The following CACNA1C variants were observed in gnomAD, a reference collection of about 807,000 sequenced individuals.
The protein encoded by CACNA1C is calcium voltage-gated channel subunit alpha1 C, also known as voltage-dependent L-type calcium channel subunit alpha-1C.
CACNA1C carries 30 observed loss-of-function variants against 229.0 expected under a neutral mutation model. That is an observed-to-expected ratio of 0.13 (90% confidence interval 0.10 to 0.18). CACNA1C has a LOEUF of 0.18. Ranked by LOEUF, CACNA1C falls within the 10% of genes least tolerant of loss-of-function variation. The probability of loss-of-function intolerance (pLI) is 1.00; values close to 1 mark genes in which losing one functional copy is unlikely to be tolerated. For synonymous variants in CACNA1C, 1,114 were observed against 1,132.5 expected, an observed-to-expected ratio of 0.98 and a Z score of 0.33; for missense variants, 1,658 against 2,845.0, an observed-to-expected ratio of 0.58 and a Z score of 9.49.
At chr12:2,688,803 G>T (rs556287674) in intron 46 of CACNA1C, 24 bp downstream of exon 46, 8 of 1,468,868 alleles carry the variant, frequency 5.4e-6, no homozygotes, top group Middle Eastern at 1.8e-4. Flanking sequence ...AGATGGGCAG[G>T]GGGGAGAGGC....
chr12:2,425,311 C>T (rs958583447), intron 3 of CACNA1C, among the ~76,000 whole-genome samples: 1 of 152,160 alleles, frequency 6.6e-6, no homozygotes, highest in Non-Finnish European at 1.5e-5. Context: ...AGTATAATCG[C>T]AATTTTGGAA....
At position 2,647,872 on chromosome 12, in the gene CACNA1C, C is replaced by T. The variant is rs148223411; in HGVS notation, c.3913-603C>T. Among the ~76,000 whole-genome samples, 121 of 152,308 alleles carry T rather than the reference C, an allele frequency of 7.9e-4. No individual in the cohort carries two copies. Among genetic ancestry groups the T allele is most frequent in the African/African-American group, 2.6e-3 (110 of 41,562 alleles). On this transcript the variant is annotated intron_variant, in intron 30 of 46. Transcript: ENST00000399655. The surrounding 1 kb of genome is among the most constrained non-coding windows in gnomAD (Gnocchi z 4.2). ...GCACAGTGGCTTACACCGGTAATCC[C>T]AGTACTTTGGGAGGCCAAGGCAGGA... is the stretch of plus-strand genomic sequence containing the variant.
intron 3 of CACNA1C, among the ~76,000 whole-genome samples, chr12:2,256,528 T>A (rs2077929368): frequency 6.6e-6 from 1 of 152,184 alleles, no homozygotes; most frequent in African/African-American, 2.4e-5. Context: ...AAAGCTATAA[T>A]CCTGGCCCCT....
intron 3 of CACNA1C, among the ~76,000 whole-genome samples, chr12:2,411,830 G>A (rs941545944): frequency 1.3e-5 from 2 of 152,266 alleles, no homozygotes; most frequent in Non-Finnish European, 2.9e-5. Context: ...CCATCCTTCT[G>A]AAGCTCTGCC....
At chr12:2,269,370 C>A (rs1268731822) in intron 3 of CACNA1C, among the ~76,000 whole-genome samples, 1 of 152,162 alleles carries the variant, frequency 6.6e-6, no homozygotes, top group Non-Finnish European at 1.5e-5. Context: ...ACTGTCTCTT[C>A]TCTACTGATG....
Position 2,654,266 on chromosome 12 carries a change from C to T in CACNA1C, c.4140+366C>T, listed in dbSNP as rs2095287948. 6.6e-6 allele frequency among the ~76,000 whole-genome samples: 1 copy of T among 152,180 alleles called. No individual in the cohort carries two copies. Among genetic ancestry groups the T allele is most frequent in the Non-Finnish European group, 1.5e-5 (1 of 68,028 alleles). On this transcript the variant is annotated intron_variant, in intron 33 of 46. Coordinates refer to ENST00000399655, the MANE Select transcript of CACNA1C (RefSeq NM_000719.7). This position sits in a 1 kb window ranked among gnomAD's most constrained non-coding sequence, Gnocchi z 4.4. The stretch of plus-strand genomic sequence containing the variant: ...AAGGTGTGTCTGTTTGTGTCCAGCA[C>T]CCCTGTTTGTGTCCAGGTCTGATGG...
At chr12:2,364,415 T>C (rs1181510411) in intron 3 of CACNA1C, among the ~76,000 whole-genome samples, 1 of 152,060 alleles carries the variant, frequency 6.6e-6, no homozygotes, top group African/African-American at 2.4e-5. Flanking sequence ...ATCTATGAAA[T>C]CCACACTGTT....
In CACNA1C at chr12:2,679,503, C is replaced by G. The variant is rs1292968645; in HGVS notation, c.5151C>G (p.Ala1717=). The change falls in exon 42 of 47, where the codon GCC becomes GCG. Residue 1717 remains alanine (A), a synonymous_variant. Transcript: ENST00000399655. This position sits in a 1 kb window ranked among gnomAD's most constrained non-coding sequence, Gnocchi z 5.5. The part of the protein sequence containing the change: ...VSYYQSDGRS[A]FPQTFTTQRP... ...ACTACCAAAGCGACGGCCGGAGCGC[C>G]TTCCCCCAGACCTTCACCACTCAGC... The G allele has an allele frequency of 6.2e-7, 1 of 1,609,558 alleles. No individual in the cohort carries two copies. Among genetic ancestry groups the G allele is most frequent in the Non-Finnish European group, 8.5e-7 (1 of 1,176,944 alleles).
chr12:2,130,193 C>CTTTTTT (rs35630466), intron 3 of CACNA1C, among the ~76,000 whole-genome samples: 3 of 114,146 alleles, frequency 2.6e-5, no homozygotes, highest in Non-Finnish European at 3.6e-5. Context: ...TGAGACCTTT[C>CTTTTTT]TTTTTTTTTT....
At chr12:2,182,159 C>T (rs942017925) in intron 3 of CACNA1C, among the ~76,000 whole-genome samples, 9 of 144,256 alleles carry the variant, frequency 6.2e-5, no homozygotes, top group East Asian at 4.0e-4. Flanking sequence ...AAAAAAATGA[C>T]GGTACCAACC....
In CACNA1C at chr12:2,677,504, G is replaced by A. The variant is rs1172155846; in HGVS notation, c.4957-229G>A. ...CTCCCGTGACAGCCCCTGACCCCTG[G>A]TGCCCCGTCCTAATGAGCCTTCATC... On this transcript the variant is annotated intron_variant, in intron 40 of 46. Transcript: ENST00000399655. The surrounding 1 kb of genome is among the most constrained non-coding windows in gnomAD (Gnocchi z 7.4). The A allele has an allele frequency of 9.7e-6, 6 of 619,684 alleles. No individual in the cohort carries two copies. The highest frequency in any genetic ancestry group is 1.7e-5 in the Non-Finnish European group (6 of 357,278). 38.4% of individuals were successfully genotyped at this position (619,684 alleles called of 1,614,324 possible).
chr12:2,463,780 G>A (rs2099531879), intron 5 of CACNA1C, among the ~76,000 whole-genome samples: 1 of 152,272 alleles, frequency 6.6e-6, no homozygotes, highest in East Asian at 1.9e-4. Flanking sequence ...GGGGTTCTGT[G>A]TAGTTGAAAG....
Position 2,597,612 on chromosome 12 carries a change from C to A in CACNA1C, c.2853+323C>A. ...ACTCTCTCTTTTCTTTACTCCCAAG[C>A]CTGAAATTGGAAAAATGAGTGCCCC... is the stretch of plus-strand genomic sequence containing the variant. On this transcript the variant is annotated intron_variant, in intron 21 of 46. Transcript: ENST00000399655. This position sits in a 1 kb window ranked among gnomAD's most constrained non-coding sequence, Gnocchi z 4.3. 3 of 793,034 alleles carry A rather than the reference C, an allele frequency of 3.8e-6. No individual in the cohort carries two copies. Among genetic ancestry groups the A allele is most frequent in the East Asian group, 2.6e-5 (1 of 38,410 alleles). 49.1% of individuals were successfully genotyped at this position (793,034 alleles called of 1,614,324 possible).
chr12:2,115,615 C>T (rs1423325242), intron 2 of CACNA1C, 70 bp downstream of exon 2: 1 of 1,469,592 alleles, frequency 6.8e-7, no homozygotes, highest in Non-Finnish European at 9.5e-7. Context: ...CCGAGGCTCC[C>T]TGGGCCACGA....
rs773206108 is a variant in CACNA1C, at chr12:2,449,017, A to G, written c.519A>G (p.Glu173=). The G allele has an allele frequency of 6.2e-7, 1 of 1,609,032 alleles. No homozygotes were observed. The highest frequency in any genetic ancestry group is 8.5e-7 in the Non-Finnish European group (1 of 1,176,166). The change falls in exon 4 of 47, where the codon GAA becomes GAG. Residue 173 remains glutamate (E), a synonymous_variant. Coordinates refer to ENST00000399655, the MANE Select transcript of CACNA1C (RefSeq NM_000719.7). ...TCTTTCTCATAATTTTTACGGTGGA[A>G]GCGTTTTTAAAAGTAATCGCCTATG... ...EYLFLIIFTV[E]AFLKVIAYGL...
chr12:2,345,227 T>A, intron 3 of CACNA1C, among the ~76,000 whole-genome samples: 1 of 150,918 alleles, frequency 6.6e-6, no homozygotes, highest in Admixed American at 6.6e-5. Context: ...TGTGAGAGAG[T>A]CTATGGGGCA....
At chr12:2,163,346 G>A (rs953790716) in intron 3 of CACNA1C, among the ~76,000 whole-genome samples, 4 of 152,132 alleles carry the variant, frequency 2.6e-5, no homozygotes, top group South Asian at 2.1e-4. Flanking sequence ...ATAAGGAAGC[G>A]GATGCTGGAA....
intron 3 of CACNA1C, among the ~76,000 whole-genome samples, chr12:2,150,265 G>A (rs1209003642): frequency 6.6e-6 from 1 of 152,170 alleles, no homozygotes; most frequent in African/African-American, 2.4e-5. Flanking sequence ...TCTTGTCCTT[G>A]GTCTCTAGAG....
intron 7 of CACNA1C, among the ~76,000 whole-genome samples, chr12:2,501,209 C>CAAAAAAAAAAAAAAAAAAAAAAAAAAA (rs59324696): frequency 3.2e-5 from 1 of 31,386 alleles, no homozygotes; most frequent in Non-Finnish European, 5.2e-5. Flanking sequence ...GACTCCACCT[C>CAAAAAAAAAAAAAAAAAAAAAAAAAAA]AAAAAAAAAA....
Sources: allele counts gnomAD v4.1 joint callset (sites outside exome capture counted in the v4.1 genomes callset), GRCh38; gene constraint gnomAD v4.1.1; non-coding constraint Gnocchi (gnomAD v3.1); transcripts MANE v1.5; gene names NCBI Gene and HGNC (gene_info 2026-07-23, HGNC 2026-07-21).